Variants in LRRFIP2 observed in about 807,000 individuals in gnomAD.
LRRFIP2 encodes the protein leucine-rich repeat flightless-interacting protein 2.
LRRFIP2 carries 109 observed loss-of-function variants against 125.9 expected under a neutral mutation model. The observed-to-expected ratio is 0.87, with a 90% CI of 0.74 to 1.01. The LOEUF (loss-of-function observed/expected upper bound fraction) is 1.01, where lower values mean the gene tolerates loss of function less well. Among genes scored for constraint, LRRFIP2 ranks in the 50% least tolerant of loss-of-function variants. The pLI, the probability that LRRFIP2 is intolerant of heterozygous loss-of-function variation, is 0.00. For synonymous variants in LRRFIP2, 291 were observed against 293.1 expected, an observed-to-expected ratio of 0.99 and a Z score of 0.07; for missense variants, 850 against 862.3, an observed-to-expected ratio of 0.99 and a Z score of 0.18.
At chr3:37,073,128 C>T (rs1234528590) in intron 20 of LRRFIP2, among the ~76,000 whole-genome samples, 3 of 152,228 alleles carry the variant, frequency 2.0e-5, no homozygotes, top group African/African-American at 7.2e-5. Flanking sequence ...GTTCCAACCA[C>T]AGCTACGTGG....
In LRRFIP2 at chr3:37,123,170, T is replaced by TTTGTTG. The variant is rs113012823; in HGVS notation, c.229-1485_229-1480dup. On this transcript the variant is annotated intron_variant, in intron 4 of 27. Transcript: ENST00000336686. ...TTTAGGAATTCGTCACTGATTTACATTTGTTGTTGTTGTTGTTGTTGTTGT... is the reference window on the plus strand; with the variant it reads ...TTTAGGAATTCGTCACTGATTTACATTTGTTGTTGTTGTTGTTGTTGTTGTTGTTGT... Among the ~76,000 whole-genome samples, 312 of 151,040 alleles carry TTTGTTG rather than the reference T, an allele frequency of 2.1e-3. 1 individual carries two copies. The highest frequency in any genetic ancestry group is 6.6e-3 in the African/African-American group (267 of 40,666).
intron 20 of LRRFIP2, among the ~76,000 whole-genome samples, chr3:37,073,442 CCTTT>C (rs2091579583): frequency 6.6e-6 from 1 of 151,978 alleles, no homozygotes; most frequent in African/African-American, 2.4e-5. Flanking sequence ...CCTTAAATGA[CCTTT>C]CTAATTAGGC....
chr3:37,102,912 C>A lies in LRRFIP2; in HGVS notation c.873+12G>T, dbSNP rs1319427704. 2 of 1,541,916 alleles carry A rather than the reference C, an allele frequency of 1.3e-6. No individual in the cohort carries two copies. Among genetic ancestry groups the A allele is most frequent in the Admixed American group, 4.0e-5 (2 of 50,426 alleles). ...GGACAACATAACCAACCACCCCATG[C>A]AATACACTCACGCTGGACAAATCTG... On this transcript the variant is annotated intron_variant, in intron 15 of 27. Transcript: ENST00000336686.
intron 15 of LRRFIP2, among the ~76,000 whole-genome samples, chr3:37,101,682 AAAG>A (rs1553737790): frequency 2.7e-5 from 4 of 150,254 alleles, no homozygotes; most frequent in South Asian, 2.1e-4. Context: ...AAAAAAAAAA[AAAG>A]AAGAAGAAGA....
At chr3:37,122,889 A>G (rs750174006) in intron 4 of LRRFIP2, among the ~76,000 whole-genome samples, 11 of 152,252 alleles carry the variant, frequency 7.2e-5, no homozygotes, top group Admixed American at 2.0e-4. Context: ...AAACCTAATC[A>G]TCTCAAACAG....
chr3:37,167,150 T>C (rs528746670), intron 1 of LRRFIP2, among the ~76,000 whole-genome samples: 133 of 148,202 alleles, frequency 9.0e-4, no homozygotes, highest in Non-Finnish European at 1.3e-3. Context: ...TGAGGCATGA[T>C]TGTGACACTA....
chr3:37,121,896 A>G (rs79632876), intron 4 of LRRFIP2, among the ~76,000 whole-genome samples: 2,313 of 149,990 alleles, frequency 0.015, 67 homozygotes, highest in African/African-American at 0.051. Context: ...GTAAGTTTCA[A>G]TATAGCAGTA....
intron 17 of LRRFIP2, among the ~76,000 whole-genome samples, chr3:37,093,439 C>T (rs1277830320): frequency 6.6e-6 from 1 of 152,180 alleles, no homozygotes; most frequent in African/African-American, 2.4e-5. Flanking sequence ...ATAATAATCA[C>T]TCTCACCTTT....
chr3:37,096,987 G>C (rs190960137), intron 15 of LRRFIP2, among the ~76,000 whole-genome samples: 1 of 151,852 alleles, frequency 6.6e-6, no homozygotes, highest in South Asian at 2.1e-4. Context: ...TACAAAAAAA[G>C]CTTGTACATA....
chr3:37,108,115 A>C lies in LRRFIP2; in HGVS notation c.672T>G (p.Ser224Arg). 1 of 1,613,708 alleles carries C rather than the reference A, an allele frequency of 6.2e-7. No homozygotes were observed. Among genetic ancestry groups the C allele is most frequent in the South Asian group, 1.1e-5 (1 of 91,086 alleles). ...CTGAACTTATTCTTGATGAATAATA[A>C]CTGCATTCAGATGGCTATAAAGTTT... ...PYGPRTPSECSYYSSRISSAR... is the reference protein window; with the variant it reads ...PYGPRTPSECRYYSSRISSAR... The change falls in exon 13 of 28, where the codon AGT becomes AGG. Residue 224 changes from serine (S) to arginine (R), a missense_variant. Ser to Arg is a moderately radical substitution (Grantham distance 110). Coordinates refer to ENST00000336686, the MANE Select transcript of LRRFIP2 (RefSeq NM_006309.4).
intron 1 of LRRFIP2, among the ~76,000 whole-genome samples, chr3:37,157,929 A>C (rs754893967): frequency 1.3e-5 from 2 of 152,196 alleles, no homozygotes; most frequent in African/African-American, 2.4e-5. Flanking sequence ...AATATTTTTA[A>C]AGTATCATAT....
At chr3:37,127,344 G>C (rs989674210) in intron 4 of LRRFIP2, among the ~76,000 whole-genome samples, 2 of 152,000 alleles carry the variant, frequency 1.3e-5, no homozygotes, top group Admixed American at 1.3e-4. Context: ...GAGAGAGAAG[G>C]GGGGAAGAAA....
intron 9 of LRRFIP2, among the ~76,000 whole-genome samples, chr3:37,110,580 C>T (rs1364966177): frequency 1.3e-5 from 2 of 152,036 alleles, no homozygotes; most frequent in Admixed American, 1.3e-4. Flanking sequence ...AAAGGGTACC[C>T]ACTCTGAAGT....
rs566593977 is a variant in LRRFIP2 at position 37,079,569 on chromosome 3, T to C, written c.1278+4067A>G. Among the ~76,000 whole-genome samples, 115 of 152,122 alleles carry C rather than the reference T, an allele frequency of 7.6e-4. 1 individual carries two copies. Among genetic ancestry groups the C allele is most frequent in the African/African-American group, 2.6e-3 (108 of 41,508 alleles). On this transcript the variant is annotated intron_variant, in intron 19 of 27. Transcript: ENST00000336686. ...GCCTGGGCAACATAGCAAGGCCCCA[T>C]CTCTTAGAATAAAAAAGAAAAAGAA...
chr3:37,089,321 A>G (rs902319371), intron 18 of LRRFIP2, among the ~76,000 whole-genome samples: 9 of 152,186 alleles, frequency 5.9e-5, no homozygotes, highest in Non-Finnish European at 1.2e-4. Flanking sequence ...ATATATACAC[A>G]TATATACTAG....
rs2090015274 is a variant in LRRFIP2 at position 37,065,808 on chromosome 3, A to C, written c.1699+2T>G. 1 of 1,614,162 alleles carries C rather than the reference A, an allele frequency of 6.2e-7. No individual in the cohort carries two copies. Among genetic ancestry groups the C allele is most frequent in the Non-Finnish European group, 8.5e-7 (1 of 1,179,998 alleles). On this transcript the variant is annotated splice_donor_variant, in intron 23 of 27. Coordinates refer to ENST00000336686, the MANE Select transcript of LRRFIP2 (RefSeq NM_006309.4). LOFTEE classifies it high-confidence loss of function. ...AAGTCAACATAGCAACCAGTATCTT[A>C]CCTAATGGCCCTTCTCCTGCTGACT...
chr3:37,170,602 C>G (rs964322056), intron 1 of LRRFIP2: 1 of 152,166 alleles, frequency 6.6e-6, no homozygotes, highest in Non-Finnish European at 1.5e-5. Flanking sequence ...ACGACAAATA[C>G]GAAGGTCTCT....
At chr3:37,144,073 C>A in intron 2 of LRRFIP2, 1 of 152,934 alleles carries the variant, frequency 6.5e-6, no homozygotes, top group South Asian at 1.9e-4. Context: ...CCTGGGCACC[C>A]CAAGACAGGT....
chr3:37,056,959 TATCTC>T (rs1388345616), intron 25 of LRRFIP2, among the ~76,000 whole-genome samples: 4 of 152,144 alleles, frequency 2.6e-5, no homozygotes, highest in African/African-American at 4.8e-5. Context: ...TTAAGTCTCT[TATCTC>T]AGTAACTTCA....
Sources: gnomAD v4.1 joint callset for allele counts (sites outside exome capture counted in the v4.1 genomes callset) on GRCh38, gnomAD v4.1.1 for gene constraint, MANE v1.5 for transcripts, NCBI Gene and HGNC (gene_info 2026-07-23, HGNC 2026-07-21) for gene names.